The following CR1 variants were observed in gnomAD, a reference collection of about 807,000 sequenced individuals.
The protein encoded by CR1 is complement C3b/C4b receptor 1 (Knops blood group).
Under a neutral mutation model 187.3 loss-of-function variants are expected in CR1, and 116 were observed. The ratio of observed to expected loss-of-function variants is 0.62; its 90% CI spans 0.53 to 0.72. The LOEUF is 0.72. Ranked by LOEUF, CR1 falls within the 30% of genes least tolerant of loss-of-function variation. The pLI is 0.00. For synonymous variants in CR1, 576 were observed against 747.1 expected, an observed-to-expected ratio of 0.77 and a Z score of 3.73; for missense variants, 1,731 against 2,110.7, an observed-to-expected ratio of 0.82 and a Z score of 3.52.
intron 23 of CR1, 91 bp downstream of exon 23, chr1:207,564,325 GAC>G (rs34180223): frequency 0.24 from 357,719 of 1,461,928 alleles, 42,078 homozygotes; most frequent in African/African-American, 0.48. Context: ...TTAAAAGAAA[GAC>G]ACACACACAC....
At chr1:207,600,513 C>CA (rs1661574164) in intron 35 of CR1, 1 of 151,996 alleles carries the variant, frequency 6.6e-6, no homozygotes, top group South Asian at 2.1e-4. Flanking sequence ...CGCAATACAC[C>CA]AAAAACTAGG....
chr1:207,613,503 G>A (rs760741256), intron 39 of CR1, among the ~76,000 whole-genome samples: 1 of 152,130 alleles, frequency 6.6e-6, no homozygotes, highest in Non-Finnish European at 1.5e-5. Flanking sequence ...GGATTTACCT[G>A]GAACTTGTAG....
chr1:207,578,995 C>A (rs1660852775), intron 29 of CR1, among the ~76,000 whole-genome samples: 1 of 152,188 alleles, frequency 6.6e-6, no homozygotes, highest in Non-Finnish European at 1.5e-5. Context: ...CATTTTATCC[C>A]TAGGAGTCTA....
At chr1:207,597,460 G>A (rs574663577) in intron 35 of CR1, among the ~76,000 whole-genome samples, 1 of 152,270 alleles carries the variant, frequency 6.6e-6, no homozygotes, top group East Asian at 1.9e-4. Context: ...GTCTCCAAGG[G>A]AAATATACAA....
chr1:207,499,615 C>T (rs956986551), intron 1 of CR1, among the ~76,000 whole-genome samples: 11 of 152,176 alleles, frequency 7.2e-5, no homozygotes, highest in African/African-American at 2.7e-4. Context: ...TGGGGATAGA[C>T]CACATTCTGA....
In CR1 at chr1:207,621,965, C is replaced by A. The variant is rs55726674; in HGVS notation, c.7253-8C>A. 18 of 1,595,040 alleles carry A rather than the reference C, an allele frequency of 1.1e-5. 1 individual carries two copies. The highest frequency in any genetic ancestry group is 1.2e-5 in the Non-Finnish European group (14 of 1,169,058). On this transcript the variant is annotated splice_region_variant and splice_polypyrimidine_tract_variant and intron_variant, in intron 43 of 46. Coordinates refer to ENST00000367049, the MANE Select transcript of CR1 (RefSeq NM_000651.6). ...AGTGATGTTTTGTGACTTTTGTCTT[C>A]CTTTTAGGTACACATGATGCTCTCA...
intron 27 of CR1, among the ~76,000 whole-genome samples, chr1:207,573,477 T>C (rs1660641411): frequency 6.6e-6 from 1 of 151,960 alleles, no homozygotes; most frequent in Admixed American, 6.6e-5. Flanking sequence ...GGAACCTCTC[T>C]ATGGCATGAA....
At chr1:207,513,116 C>G (rs529878163) in intron 4 of CR1, among the ~76,000 whole-genome samples, 1 of 152,362 alleles carries the variant, frequency 6.6e-6, no homozygotes, top group Non-Finnish European at 1.5e-5. Context: ...AAAACTCTTA[C>G]ACTTATACAA....
At chr1:207,502,360 A>G (rs1659297448) in intron 1 of CR1, among the ~76,000 whole-genome samples, 1 of 152,224 alleles carries the variant, frequency 6.6e-6, no homozygotes, top group Admixed American at 6.5e-5. Flanking sequence ...TTAGATTCCA[A>G]ATCCCTAAGA....
At chr1:207,566,051 TTAA>T in intron 24 of CR1, 128 bp downstream of exon 24, 1 of 1,285,184 alleles carries the variant, frequency 7.8e-7, no homozygotes, top group Non-Finnish European at 1.1e-6. Context: ...ATAGTTTATT[TTAA>T]TAATGTTTGG....
chr1:207,596,799 TATATA>T (rs1661457875), intron 35 of CR1, among the ~76,000 whole-genome samples: 1 of 147,744 alleles, frequency 6.8e-6, no homozygotes. Flanking sequence ...ATATAATATA[TATATA>T]ATATAACATA....
chr1:207,567,798 A>G, intron 24 of CR1, 26 bp from the exon 25 acceptor site: 1 of 1,611,006 alleles, frequency 6.2e-7, no homozygotes, highest in Non-Finnish European at 8.5e-7. Flanking sequence ...CCTGAATGAA[A>G]CTTAGAGCTT....
chr1:207,584,938 T>C, intron 33 of CR1, 62 bp downstream of exon 33: 1 of 1,595,702 alleles, frequency 6.3e-7, no homozygotes, highest in Non-Finnish European at 8.6e-7. Context: ...ATCCCTCATG[T>C]TTCTGTAATA....
intron 35 of CR1, 24 bp from the exon 36 acceptor site, chr1:207,607,227 A>C (rs761255616): frequency 3.8e-6 from 6 of 1,572,286 alleles, no homozygotes; most frequent in Middle Eastern, 3.3e-4. Context: ...GTAGCGTATA[A>C]CCATTTTCTA....
At chr1:207,635,970 T>A (rs1052022565) in intron 46 of CR1, among the ~76,000 whole-genome samples, 1 of 152,186 alleles carries the variant, frequency 6.6e-6, no homozygotes, top group Non-Finnish European at 1.5e-5. Context: ...ATCAACAGCA[T>A]CTCAAGGCAG....
chr1:207,604,325 A>G (rs1246768941), intron 35 of CR1, among the ~76,000 whole-genome samples: 1 of 152,106 alleles, frequency 6.6e-6, no homozygotes. Flanking sequence ...TGTATGTAGA[A>G]AGGTTTATTT....
At chr1:207,522,563 C>T (rs1660031006) in intron 4 of CR1, among the ~76,000 whole-genome samples, 1 of 152,222 alleles carries the variant, frequency 6.6e-6, no homozygotes, top group Admixed American at 6.5e-5. Context: ...CAGCTCTCAA[C>T]TGGATTCTCA....
At chr1:207,631,412 A>AGG in intron 46 of CR1, among the ~76,000 whole-genome samples, 2 of 152,156 alleles carry the variant, frequency 1.3e-5, no homozygotes, top group Admixed American at 1.3e-4. Flanking sequence ...TTATACTACA[A>AGG]CAGCAGAGCT....
intron 40 of CR1, among the ~76,000 whole-genome samples, 153 bp from the exon 41 acceptor site, chr1:207,616,422 C>A (rs1243259015): frequency 1.3e-5 from 2 of 152,294 alleles, no homozygotes; most frequent in East Asian, 1.9e-4. Flanking sequence ...AGTTGCCTCT[C>A]AACAAAAGCC....
Sources: allele counts gnomAD v4.1 joint callset (sites outside exome capture counted in the v4.1 genomes callset), GRCh38; gene constraint gnomAD v4.1.1; transcripts MANE v1.5; gene names NCBI Gene and HGNC (gene_info 2026-07-23, HGNC 2026-07-21).